SERPINE2: variants seen among roughly 807,000 people sequenced by gnomAD.
SERPINE2 encodes glia-derived nexin.
SERPINE2 carries 14 observed loss-of-function variants against 36.3 expected under a neutral mutation model. That is an observed-to-expected ratio of 0.39 (90% CI 0.25 to 0.60). The LOEUF is 0.60. Ranked by LOEUF, SERPINE2 falls within the 20% of genes least tolerant of loss-of-function variation. The pLI, the probability that SERPINE2 is intolerant of heterozygous loss-of-function variation, is 0.57. For synonymous variants in SERPINE2, 192 were observed against 191.8 expected, an observed-to-expected ratio of 1.00 and a Z score of -0.01; for missense variants, 418 against 499.6, an observed-to-expected ratio of 0.84 and a Z score of 1.56.
chr2:223,991,397 T>C lies in SERPINE2; in HGVS notation c.685+406A>G, dbSNP rs371107627. On this transcript the variant is annotated intron_variant, in intron 4 of 8. Coordinates refer to ENST00000409304, the MANE Select transcript of SERPINE2 (RefSeq NM_001136528.2). Reference sequence around the variant, plus strand: ...CCACCGAAGGATTTTACCAATGTTTTTAATTTTTGCTGATCTGCTAAGTAA... The same window carrying C: ...CCACCGAAGGATTTTACCAATGTTTCTAATTTTTGCTGATCTGCTAAGTAA... Among the ~76,000 whole-genome samples, 8 of 152,194 alleles carry C rather than the reference T, an allele frequency of 5.3e-5. No individual in the cohort carries two copies. The East Asian group carries it at 1.2e-3, about 22-fold the overall frequency.
intron 1 of SERPINE2, among the ~76,000 whole-genome samples, chr2:224,027,535 G>GATCCA (rs1405635360): frequency 6.6e-6 from 1 of 152,136 alleles, no homozygotes; most frequent in Non-Finnish European, 1.5e-5. Context: ...ACTGATTATT[G>GATCCA]ATCCAGTACA....
chr2:223,982,805 A>G (rs1470868130), intron 5 of SERPINE2, 24 bp from the exon 6 acceptor site: 1 of 1,551,060 alleles, frequency 6.4e-7, no homozygotes, highest in Non-Finnish European at 8.8e-7. Flanking sequence ...AGAAATGGAG[A>G]AAAAAAATCA....
intron 4 of SERPINE2, among the ~76,000 whole-genome samples, chr2:223,989,095 A>C (rs184262539): frequency 1.8e-4 from 27 of 152,336 alleles, no homozygotes; most frequent in African/African-American, 6.5e-4. Flanking sequence ...ATGGAGGTAT[A>C]CTGAGGATTT....
intron 1 of SERPINE2, chr2:224,031,302 A>C: frequency 3.0e-6 from 3 of 985,342 alleles, no homozygotes; most frequent in Non-Finnish European, 3.6e-6. Context: ...TATCTCTGCC[A>C]CACCCTTCCT....
chr2:224,007,695 T>C (rs1009565268), intron 1 of SERPINE2, among the ~76,000 whole-genome samples: 5 of 152,256 alleles, frequency 3.3e-5, no homozygotes, highest in Non-Finnish European at 7.3e-5. Flanking sequence ...ACATTGCAAC[T>C]GGTTACACCT....
rs1202750575 is a variant in SERPINE2 at position 224,038,653 on chromosome 2, G to A, written c.-23+446C>T. On this transcript the variant is annotated intron_variant, in intron 1 of 8. Coordinates refer to ENST00000409304, the MANE Select transcript of SERPINE2 (RefSeq NM_001136528.2). Reference sequence around the variant, plus strand: ...AGGCAGAGGTAACAAGTAAGAGTGCGCCAGTCTCTCCCCATCCGGCGGCGC... The same window carrying A: ...AGGCAGAGGTAACAAGTAAGAGTGCACCAGTCTCTCCCCATCCGGCGGCGC... The A allele has an allele frequency of 9.5e-6, 7 of 738,160 alleles. No individual in the cohort carries two copies. In the Admixed American group the frequency reaches 1.1e-4, roughly 11 times the overall value. 45.7% of individuals were successfully genotyped at this position (738,160 alleles called of 1,614,324 possible).
At chr2:224,015,504 T>C (rs902766357) in intron 1 of SERPINE2, among the ~76,000 whole-genome samples, 2 of 152,186 alleles carry the variant, frequency 1.3e-5, no homozygotes, top group African/African-American at 2.4e-5. Flanking sequence ...CCATGGATTA[T>C]TCTGGAAATA....
At chr2:224,008,158 G>A (rs747242580) in intron 1 of SERPINE2, among the ~76,000 whole-genome samples, 14 of 152,334 alleles carry the variant, frequency 9.2e-5, no homozygotes, top group African/African-American at 1.2e-4. Context: ...TAGAGGTGCC[G>A]TAGAGGGTGG....
intron 2 of SERPINE2, among the ~76,000 whole-genome samples, chr2:224,001,344 G>GT (rs1229461465): frequency 6.6e-6 from 1 of 152,222 alleles, no homozygotes; most frequent in Admixed American, 6.5e-5. Context: ...CATGGAGGCG[G>GT]TAAGCCAGGA....
intron 1 of SERPINE2, among the ~76,000 whole-genome samples, chr2:224,013,647 A>G (rs1321191195): frequency 1.3e-5 from 2 of 152,164 alleles, no homozygotes; most frequent in Admixed American, 1.3e-4. Flanking sequence ...TGTTTCCTGA[A>G]CCTGAATGAT....
chr2:224,010,281 T>A (rs1307034347), intron 1 of SERPINE2: 1 of 879,124 alleles, frequency 1.1e-6, no homozygotes, highest in Non-Finnish European at 1.4e-6. Flanking sequence ...TCAAAGTGTA[T>A]GCTCATTCTA....
intron 4 of SERPINE2, among the ~76,000 whole-genome samples, chr2:223,986,700 T>C (rs1690443840): frequency 6.6e-6 from 1 of 152,202 alleles, no homozygotes; most frequent in Non-Finnish European, 1.5e-5. Context: ...TAATGAATAA[T>C]GAAAAGTTAT....
At chr2:224,026,823 C>T (rs888586690) in intron 1 of SERPINE2, among the ~76,000 whole-genome samples, 3 of 152,168 alleles carry the variant, frequency 2.0e-5, no homozygotes, top group African/African-American at 7.2e-5. Flanking sequence ...TGCTTCACAC[C>T]TTTCCAAAGT....
At chr2:223,978,174 G>A (rs1690083106) in intron 7 of SERPINE2, 1 of 153,072 alleles carries the variant, frequency 6.5e-6, no homozygotes, top group Non-Finnish European at 1.5e-5. Context: ...TGGGATTACA[G>A]GCATGCACCA....
chr2:223,992,234 A>AG (rs1478720606), intron 3 of SERPINE2, among the ~76,000 whole-genome samples: 1 of 152,176 alleles, frequency 6.6e-6, no homozygotes, highest in Non-Finnish European at 1.5e-5. Context: ...ACCCCTAGCT[A>AG]GGGGTTACAA....
At chr2:224,032,323 G>A (rs1235496110) in intron 1 of SERPINE2, among the ~76,000 whole-genome samples, 1 of 151,664 alleles carries the variant, frequency 6.6e-6, no homozygotes, top group African/African-American at 2.4e-5. Flanking sequence ...CCACCTTCAA[G>A]ATTTGGCCCA....
intron 4 of SERPINE2, among the ~76,000 whole-genome samples, chr2:223,986,493 G>A (rs1265314616): frequency 1.3e-5 from 2 of 151,768 alleles, no homozygotes; most frequent in Admixed American, 6.6e-5. Context: ...ATGGGAAAGT[G>A]AGAAAAAAAT....
In SERPINE2 at chr2:224,039,024, C is replaced by G. The variant is rs1300140374; in HGVS notation, c.-23+75G>C. On this transcript the variant is annotated intron_variant, in intron 1 of 8. Coordinates refer to ENST00000409304, the MANE Select transcript of SERPINE2 (RefSeq NM_001136528.2). The surrounding 1 kb of genome is among the most constrained non-coding windows in gnomAD (Gnocchi z 5.2). ...GTCAGGGAGCAGGGCCGGTGGCGCG[C>G]GGAGCCCCGGGGAGCGTCCCCCGCC... The G allele has an allele frequency of 6.6e-6, 1 of 151,546 alleles. No homozygotes were observed. The highest frequency in any genetic ancestry group is 2.4e-5 in the African/African-American group (1 of 41,354). 9.4% of individuals were successfully genotyped at this position (151,546 alleles called of 1,614,324 possible). A position where few individuals can be genotyped will look rare whatever the true frequency, so the allele number is the denominator to read the frequency against.
At chr2:224,012,601 C>T (rs1691667774) in intron 1 of SERPINE2, among the ~76,000 whole-genome samples, 2 of 63,510 alleles carry the variant, frequency 3.1e-5, no homozygotes, top group African/African-American at 8.6e-5. Flanking sequence ...AGACTCCATC[C>T]CAAAAAAAAA....
Sources: gnomAD v4.1 joint callset for allele counts (sites outside exome capture counted in the v4.1 genomes callset) on GRCh38, gnomAD v4.1.1 for gene constraint, Gnocchi (gnomAD v3.1) non-coding constraint, MANE v1.5 for transcripts, NCBI Gene and HGNC (gene_info 2026-07-23, HGNC 2026-07-21) for gene names.